FRAS1: variants seen among roughly 807,000 people sequenced by gnomAD.
FRAS1 encodes extracellular matrix organizing protein FRAS1.
Under a neutral mutation model 435.2 loss-of-function variants are expected in FRAS1, and 290 were observed. The ratio of observed to expected loss-of-function variants is 0.67; its 90% confidence interval spans 0.61 to 0.73. The LOEUF (loss-of-function observed/expected upper bound fraction) is 0.73. Among genes scored for constraint, FRAS1 ranks in the 30% least tolerant of loss-of-function variants. FRAS1 has a pLI of 0.00. For missense variants in FRAS1, 4,860 were observed against 5,001.5 expected (o/e 0.97, Z 0.85); for synonymous variants, 1,800 against 1,851.0 (o/e 0.97, Z 0.71).
chr4:78,378,687 AT>A lies in FRAS1; in HGVS notation c.3293-1037del, dbSNP rs1464853582. ...GTGTATCTTCTTTGAAGAAATGCCT[AT>A]TCAAATTCTTCACCCATTTTAAAAA... On this transcript the variant is annotated intron_variant, in intron 26 of 73. Transcript: ENST00000512123. Among the ~76,000 whole-genome samples the A allele has an allele frequency of 3.3e-5, 5 of 151,886 alleles. No individual in the cohort carries two copies. In the South Asian group the frequency reaches 1.0e-3, roughly 31 times the overall value.
rs61741742 is a variant in FRAS1 at position 78,508,985 on chromosome 4, A to G, written c.9759A>G (p.Pro3253=). The G allele has an allele frequency of 2.1e-3, 3,371 of 1,613,836 alleles. 60 individuals are homozygous for G. The African/African-American group carries it at 0.039, about 19-fold the overall frequency. The part of the protein sequence containing the change: ...SPFETITDNT[P]FTSVNHMVLD... ...TTGAAACCATCACTGACAACACACC[A>G]TTCACCAGTGTCAACCACATGGTAG... Residue 3253 remains proline, a synonymous_variant, in exon 63 of 74, where the codon CCA becomes CCG. Coordinates refer to ENST00000512123, the MANE Select transcript of FRAS1 (RefSeq NM_025074.7).
In FRAS1 at chr4:78,170,538, A is replaced by T. The variant is rs150526724; in HGVS notation, c.109-66972A>T. ...CTTAAGTGCTGCCGCCATAGATGAG[A>T]TCTGCATCTCTCACAGATTGTACAG... On this transcript the variant is annotated intron_variant, in intron 2 of 73. Transcript: ENST00000512123. Among the ~76,000 whole-genome samples the T allele has an allele frequency of 2.8e-3, 427 of 152,204 alleles. 4 individuals are homozygous for T. The highest frequency in any genetic ancestry group is 1.0e-2 in the African/African-American group (414 of 41,566).
At chr4:78,231,786 T>A (rs1292561408) in intron 2 of FRAS1, among the ~76,000 whole-genome samples, 1 of 152,034 alleles carries the variant, frequency 6.6e-6, no homozygotes, top group African/African-American at 2.4e-5. Flanking sequence ...GTTTTTTTTT[T>A]AAAGCACCTT....
chr4:78,115,859 T>G (rs1743131257), intron 2 of FRAS1, among the ~76,000 whole-genome samples: 1 of 152,220 alleles, frequency 6.6e-6, no homozygotes, highest in African/African-American at 2.4e-5. Flanking sequence ...AGTTATTTTT[T>G]GCCTTCTGCT....
chr4:78,537,374 G>A (rs1453712244), intron 72 of FRAS1, among the ~76,000 whole-genome samples, 174 bp downstream of exon 72: 6 of 152,202 alleles, frequency 3.9e-5, no homozygotes, highest in Non-Finnish European at 8.8e-5. Flanking sequence ...TGGTAGTTAC[G>A]ATGAGTAACA....
intron 2 of FRAS1, among the ~76,000 whole-genome samples, chr4:78,098,333 T>G (rs1255121199): frequency 6.7e-6 from 1 of 150,256 alleles, no homozygotes; most frequent in South Asian, 2.1e-4. Context: ...TGGAGTGCAG[T>G]AGCATGATCT....
intron 20 of FRAS1, among the ~76,000 whole-genome samples, chr4:78,354,459 A>G (rs1443163084): frequency 1.3e-5 from 2 of 152,196 alleles, no homozygotes; most frequent in South Asian, 2.1e-4. Flanking sequence ...AATGATCAAA[A>G]GGGAAAGAGA....
intron 2 of FRAS1, among the ~76,000 whole-genome samples, chr4:78,130,357 A>G (rs1719623474): frequency 6.6e-6 from 1 of 152,206 alleles, no homozygotes; most frequent in Non-Finnish European, 1.5e-5. Flanking sequence ...ATAGGAATAT[A>G]GGAACTAACA....
chr4:78,273,010 C>T (rs1474017087), intron 9 of FRAS1, among the ~76,000 whole-genome samples: 1 of 152,138 alleles, frequency 6.6e-6, no homozygotes, highest in African/African-American at 2.4e-5. Context: ...TTGTAGTTCT[C>T]CTTGAAGAGG....
At chr4:78,297,264 C>T (rs561925116) in intron 14 of FRAS1, among the ~76,000 whole-genome samples, 2 of 152,294 alleles carry the variant, frequency 1.3e-5, no homozygotes, top group African/African-American at 2.4e-5. Context: ...TGATGAATCT[C>T]AGAGGAACTA....
At chr4:78,229,667 A>G (rs1244433056) in intron 2 of FRAS1, among the ~76,000 whole-genome samples, 1 of 151,964 alleles carries the variant, frequency 6.6e-6, no homozygotes, top group Non-Finnish European at 1.5e-5. Context: ...ACTGCTGTAC[A>G]ATATAAGGCA....
At chr4:78,161,742 CAAAA>C (rs71214399) in intron 2 of FRAS1, among the ~76,000 whole-genome samples, 2 of 24,884 alleles carry the variant, frequency 8.0e-5, no homozygotes, top group Non-Finnish European at 1.3e-4. Context: ...AACTCTGTCT[CAAAA>C]AAAAAAAAAA....
chr4:78,450,485 A>T lies in FRAS1; in HGVS notation c.6463+146A>T, dbSNP rs1410771561. Reference sequence around the variant, plus strand: ...CATTTGTTCTCTTCCTTGTTTTCTTATTTTTTTTTTCTTTTTGTTTTTAAA... The same window carrying T: ...CATTTGTTCTCTTCCTTGTTTTCTTTTTTTTTTTTTCTTTTTGTTTTTAAA... On this transcript the variant is annotated intron_variant, in intron 45 of 73. Transcript: ENST00000512123. 202 of 565,468 alleles carry T rather than the reference A, an allele frequency of 3.6e-4. 1 individual carries two copies. The highest frequency in any genetic ancestry group is 7.0e-4 in the East Asian group (22 of 31,492). 35.0% of individuals were successfully genotyped at this position (565,468 alleles called of 1,614,324 possible).
chr4:78,367,359 G>A (rs1047280826), intron 22 of FRAS1, among the ~76,000 whole-genome samples: 1 of 151,186 alleles, frequency 6.6e-6, no homozygotes, highest in Non-Finnish European at 1.5e-5. Context: ...CTGTGTTCAT[G>A]CCACTATACT....
intron 61 of FRAS1, among the ~76,000 whole-genome samples, chr4:78,504,418 A>G (rs1169204068): frequency 6.6e-6 from 1 of 152,212 alleles, no homozygotes; most frequent in Non-Finnish European, 1.5e-5. Context: ...TTGGGTGTAT[A>G]TACATTTAGG....
intron 2 of FRAS1, among the ~76,000 whole-genome samples, chr4:78,229,205 G>T (rs974313900): frequency 6.6e-6 from 1 of 151,958 alleles, no homozygotes; most frequent in Non-Finnish European, 1.5e-5. Flanking sequence ...TTCCTTATCT[G>T]TAAAATGGAG....
At chr4:78,214,143 A>C (rs149613389) in intron 2 of FRAS1, among the ~76,000 whole-genome samples, 5 of 152,324 alleles carry the variant, frequency 3.3e-5, no homozygotes, top group Non-Finnish European at 5.9e-5. Flanking sequence ...GAGTAGTAAA[A>C]GGGTAAAAAT....
intron 58 of FRAS1, among the ~76,000 whole-genome samples, chr4:78,484,322 G>T (rs960070682): frequency 2.6e-5 from 4 of 152,108 alleles, no homozygotes; most frequent in African/African-American, 9.7e-5. Flanking sequence ...CAAGGTTTTG[G>T]TGTTTAAATT....
At chr4:78,270,036 G>C (rs1261778668) in intron 9 of FRAS1, among the ~76,000 whole-genome samples, 1 of 152,162 alleles carries the variant, frequency 6.6e-6, no homozygotes, top group Admixed American at 6.5e-5. Flanking sequence ...TAGAGATTCT[G>C]TCTGGCCTAT....
Sources: allele counts gnomAD v4.1 joint callset (sites outside exome capture counted in the v4.1 genomes callset), GRCh38; gene constraint gnomAD v4.1.1; transcripts MANE v1.5; gene names NCBI Gene and HGNC (gene_info 2026-07-23, HGNC 2026-07-21).